AGBL1: variants seen among roughly 807,000 people sequenced by gnomAD.
AGBL1 encodes cytosolic carboxypeptidase 4.
A neutral mutation model predicts 118.9 loss-of-function variants in AGBL1; 130 were observed. The ratio of observed to expected loss-of-function variants is 1.09; its 90% confidence interval spans 0.95 to 1.26. The LOEUF (loss-of-function observed/expected upper bound fraction) is 1.26. Ranked by LOEUF, AGBL1 falls within the 50% of genes most tolerant of loss-of-function variation. The pLI is 0.00. For missense variants in AGBL1, 1,584 were observed against 1,298.1 expected (o/e 1.22, Z -3.38); for synonymous variants, 555 against 478.9 (o/e 1.16, Z -2.08).
chr15:87,019,560 T>A (rs2163926), intron 24 of AGBL1, among the ~76,000 whole-genome samples: 54,071 of 151,842 alleles, frequency 0.36, 10,240 homozygotes, highest in East Asian at 0.51. Context: ...AATCAAGAAG[T>A]TCTTTGAAAC....
intron 22 of AGBL1, among the ~76,000 whole-genome samples, chr15:86,728,566 T>C (rs1478146225): frequency 6.6e-6 from 1 of 152,158 alleles, no homozygotes; most frequent in Non-Finnish European, 1.5e-5. Context: ...TACTGAAGCC[T>C]GGGGCTAAAT....
intron 18 of AGBL1, among the ~76,000 whole-genome samples, chr15:86,430,783 C>A (rs910019174): frequency 2.0e-5 from 3 of 152,156 alleles, no homozygotes; most frequent in African/African-American, 7.2e-5. Flanking sequence ...GACTTCACAG[C>A]ACTCACTTTT....
chr15:86,709,783 C>T (rs2086521226), intron 22 of AGBL1, among the ~76,000 whole-genome samples: 1 of 152,122 alleles, frequency 6.6e-6, no homozygotes, highest in South Asian at 2.1e-4. Context: ...TTTGTCCTCC[C>T]AGATAATGAT....
At chr15:86,230,425 A>G (rs1049941607) in intron 6 of AGBL1, among the ~76,000 whole-genome samples, 1 of 152,232 alleles carries the variant, frequency 6.6e-6, no homozygotes, top group African/African-American at 2.4e-5. Context: ...GATGGTTGGC[A>G]TTGTTAATCC....
At chr15:86,566,179 C>T (rs192618918) in intron 21 of AGBL1, among the ~76,000 whole-genome samples, 233 of 152,290 alleles carry the variant, frequency 1.5e-3, no homozygotes, top group Non-Finnish European at 2.2e-3. Flanking sequence ...GAACCCGGTA[C>T]CTCAGTTGGA....
intron 22 of AGBL1, among the ~76,000 whole-genome samples, chr15:86,687,698 T>C (rs559657594): frequency 6.6e-6 from 1 of 152,302 alleles, no homozygotes; most frequent in Non-Finnish European, 1.5e-5. Context: ...AGTAGATTGA[T>C]GGGAATTCTT....
intron 3 of AGBL1, among the ~76,000 whole-genome samples, chr15:86,148,938 A>T (rs934350209): frequency 6.6e-6 from 1 of 152,208 alleles, no homozygotes; most frequent in African/African-American, 2.4e-5. Context: ...CTTGGCAGAA[A>T]CCCTACAAGC....
At chr15:86,707,410 A>AT (rs35689513) in intron 22 of AGBL1, among the ~76,000 whole-genome samples, 48,419 of 151,978 alleles carry the variant, frequency 0.32, 7,776 homozygotes, top group Middle Eastern at 0.37. Flanking sequence ...ATATGTTTTC[A>AT]TGAAACTGTG....
At chr15:86,488,812 G>A (rs1042404825) in intron 18 of AGBL1, among the ~76,000 whole-genome samples, 63 of 152,112 alleles carry the variant, frequency 4.1e-4, no homozygotes, top group African/African-American at 1.5e-3. Flanking sequence ...AAGCATTAAA[G>A]GGCTTTCCTC....
At chr15:86,764,823 T>C in intron 22 of AGBL1, among the ~76,000 whole-genome samples, 1 of 152,058 alleles carries the variant, frequency 6.6e-6, no homozygotes, top group East Asian at 1.9e-4. Flanking sequence ...CATGTTAATT[T>C]GGGCCACCTT....
At chr15:86,641,598 T>A (rs997543075) in intron 21 of AGBL1, among the ~76,000 whole-genome samples, 3 of 152,182 alleles carry the variant, frequency 2.0e-5, no homozygotes, top group Admixed American at 6.6e-5. Flanking sequence ...TAGTTTTTCT[T>A]GTCTTTGGAC....
chr15:86,666,952 G>T (rs1301460302), intron 21 of AGBL1, among the ~76,000 whole-genome samples: 1 of 152,056 alleles, frequency 6.6e-6, no homozygotes, highest in Non-Finnish European at 1.5e-5. Flanking sequence ...ATCTTCTCAG[G>T]TTTACAGAGA....
chr15:86,267,960 C>G (rs1333626595), intron 13 of AGBL1, among the ~76,000 whole-genome samples: 3 of 152,162 alleles, frequency 2.0e-5, no homozygotes, highest in African/African-American at 7.2e-5. Context: ...TCACTTCATG[C>G]CTTTATTTCC....
At position 86,800,134 on chromosome 15, in the gene AGBL1, C is replaced by T. The variant is rs545875800; in HGVS notation, c.3159-106953C>T. ...TCCCTTTAGCAAAAAACACCTGCACCACCATGAAATAATTAGAACCAGATC... is the reference window on the plus strand; with the variant it reads ...TCCCTTTAGCAAAAAACACCTGCACTACCATGAAATAATTAGAACCAGATC... On this transcript the variant is annotated intron_variant, in intron 22 of 22. Transcript: ENST00000614907. Among the ~76,000 whole-genome samples the T allele has an allele frequency of 3.3e-5, 5 of 152,062 alleles. No individual in the cohort carries two copies. In the East Asian group the frequency reaches 9.7e-4, roughly 29 times the overall value.
intron 24 of AGBL1, among the ~76,000 whole-genome samples, chr15:87,001,740 G>T (rs2081439885): frequency 1.3e-5 from 2 of 152,048 alleles, no homozygotes; most frequent in Non-Finnish European, 2.9e-5. Flanking sequence ...GTGATGATAA[G>T]CATTTTTTCA....
At chr15:86,966,152 A>G (rs910296991) in intron 23 of AGBL1, among the ~76,000 whole-genome samples, 6 of 152,054 alleles carry the variant, frequency 3.9e-5, no homozygotes, top group Admixed American at 2.0e-4. Context: ...CAAAATAGCA[A>G]TAAAGGCTAA....
intron 17 of AGBL1, among the ~76,000 whole-genome samples, chr15:86,375,656 C>T (rs192278782): frequency 1.8e-4 from 28 of 152,302 alleles, no homozygotes; most frequent in Non-Finnish European, 2.2e-4. Flanking sequence ...AAAAGGTACT[C>T]GGCTGTGCTG....
At chr15:86,842,826 C>T (rs1243283510) in intron 22 of AGBL1, among the ~76,000 whole-genome samples, 1 of 152,134 alleles carries the variant, frequency 6.6e-6, no homozygotes, top group African/African-American at 2.4e-5. Flanking sequence ...GTGATTAGAC[C>T]TGTTGGATTA....
intron 22 of AGBL1, among the ~76,000 whole-genome samples, chr15:86,760,197 G>C (rs759498732): frequency 1.3e-5 from 2 of 151,878 alleles, no homozygotes; most frequent in Non-Finnish European, 2.9e-5. Flanking sequence ...CTTTCTTCCC[G>C]GGCTGGGAGA....
Sources: gnomAD v4.1 joint callset for allele counts (sites outside exome capture counted in the v4.1 genomes callset) on GRCh38, gnomAD v4.1.1 for gene constraint, MANE v1.5 for transcripts, NCBI Gene and HGNC (gene_info 2026-07-23, HGNC 2026-07-21) for gene names.